TRANK1: variants seen among roughly 807,000 people sequenced by gnomAD.
TRANK1 encodes the protein TPR and ankyrin repeat-containing protein 1.
In TRANK1, 198 loss-of-function variants were observed where a neutral mutation model predicts 266.0. That is an observed-to-expected ratio of 0.74 (90% CI 0.66 to 0.84). The LOEUF is 0.84. Among genes scored for constraint, TRANK1 ranks in the 40% least tolerant of loss-of-function variants. The pLI, the probability that TRANK1 is intolerant of heterozygous loss-of-function variation, is 0.00. For missense variants in TRANK1, 3,326 were observed against 3,634.6 expected (o/e 0.92, Z 2.18); for synonymous variants, 1,396 against 1,384.1 (o/e 1.01, Z -0.19).
At chr3:36,938,354 G>C (rs1575339838) in intron 1 of TRANK1, among the ~76,000 whole-genome samples, 1 of 152,240 alleles carries the variant, frequency 6.6e-6, no homozygotes, top group South Asian at 2.1e-4. Flanking sequence ...GAGTAGCTGG[G>C]ATTACAGGCG....
chr3:36,930,854 G>A (rs1480420301), intron 1 of TRANK1, among the ~76,000 whole-genome samples: 7 of 152,146 alleles, frequency 4.6e-5, no homozygotes, highest in Admixed American at 2.6e-4. Flanking sequence ...TGACATTGTG[G>A]TGGTGGCCAC....
At chr3:36,903,339 C>T in intron 2 of TRANK1, 64 bp from the exon 3 acceptor site, 1 of 1,500,496 alleles carries the variant, frequency 6.7e-7, no homozygotes, top group Non-Finnish European at 8.9e-7. Context: ...TGTGAAGTCC[C>T]CCCATTCGGT....
chr3:36,856,109 C>A lies in TRANK1; in HGVS notation c.3613G>T (p.Val1205Leu). 6.2e-7 allele frequency: 1 copy of A among 1,613,764 alleles called. No homozygotes were observed. Among genetic ancestry groups the A allele is most frequent in the Non-Finnish European group, 8.5e-7 (1 of 1,179,870 alleles). Residue 1205 changes from valine (V) to leucine (L), a missense_variant, in exon 13 of 24, where the codon GTA (valine) becomes TTA (leucine). Transcript: ENST00000645898. ...VTKNHVLCQE[V>L]QRNFIELSKS... is the part of the protein sequence containing the mutation. ...GAAAGCTCAATGAAATTCCTTTGTACCTCCTGGCACAGCACATGGTTCTTG... is the reference window on the plus strand; with the variant it reads ...GAAAGCTCAATGAAATTCCTTTGTAACTCCTGGCACAGCACATGGTTCTTG...
At chr3:36,912,405 C>T in intron 1 of TRANK1, among the ~76,000 whole-genome samples, 1 of 152,200 alleles carries the variant, frequency 6.6e-6, no homozygotes. Context: ...AGTAAAATCA[C>T]TAGGGTATCT....
At chr3:36,882,045 T>A (rs1385665099) in intron 8 of TRANK1, among the ~76,000 whole-genome samples, 2 of 152,240 alleles carry the variant, frequency 1.3e-5, no homozygotes, top group African/African-American at 2.4e-5. Context: ...AATGCTGATA[T>A]GAATAATCAT....
intron 8 of TRANK1, among the ~76,000 whole-genome samples, chr3:36,887,182 G>A (rs190267167): frequency 1.3e-5 from 2 of 152,114 alleles, no homozygotes; most frequent in African/African-American, 2.4e-5. Flanking sequence ...CACAATGATT[G>A]ATGTGGCACA....
chr3:36,939,894 T>G (rs1309824558), intron 1 of TRANK1, among the ~76,000 whole-genome samples: 1 of 146,618 alleles, frequency 6.8e-6, no homozygotes, highest in Non-Finnish European at 1.5e-5. Flanking sequence ...TTTGTTCACT[T>G]TTTTTTTTTC....
In TRANK1 at chr3:36,908,318, C is replaced by G; in HGVS notation, c.155+5G>C. On this transcript the variant is annotated splice_donor_5th_base_variant and intron_variant, in intron 2 of 23. Coordinates refer to ENST00000645898, the MANE Select transcript of TRANK1 (RefSeq NM_001329998.2). ...AAAAGATGAGGTGAAAATGCAAACA[C>G]TTACCCCCACTGGTATAACTGCAGG... is the stretch of plus-strand genomic sequence containing the variant. 8.1e-7 allele frequency: 1 copy of G among 1,232,218 alleles called. No individual in the cohort carries two copies. Among genetic ancestry groups the G allele is most frequent in the Non-Finnish European group, 1.0e-6 (1 of 987,984 alleles). The allele number at this position is 1,232,218 out of a possible 1,614,324, so 76.3% of individuals were successfully genotyped here.
intron 9 of TRANK1, among the ~76,000 whole-genome samples, chr3:36,868,444 G>C (rs2079259414): frequency 3.3e-5 from 5 of 152,244 alleles, no homozygotes; most frequent in Admixed American, 3.3e-4. Context: ...ACCATAGTCA[G>C]AAGTAATAGA....
intron 15 of TRANK1, chr3:36,850,666 A>G (rs2078973454): frequency 1.2e-6 from 1 of 868,974 alleles, no homozygotes; most frequent in African/African-American, 1.8e-5. Flanking sequence ...ATAACCTCAG[A>G]GGGTTGGTGG....
chr3:36,833,537 C>T lies in TRANK1; in HGVS notation c.6046G>A (p.Ala2016Thr), dbSNP rs190338099. Reference sequence around the variant, plus strand: ...CCAGTTTGATAGCAGATATCAAGTGCTTCTCTCAGAATGTCCTTGGTGTGT... The same window carrying T: ...CCAGTTTGATAGCAGATATCAAGTGTTTCTCTCAGAATGTCCTTGGTGTGT... ...IEHTKDILRE[A>T]LDICYQTGQL... Residue 2016 changes from alanine to threonine, a missense_variant, in exon 22 of 24, where the codon GCA becomes ACA. Ala to Thr is a moderately conservative substitution (Grantham distance 58). Transcript: ENST00000645898. 1.2e-4 allele frequency: 188 copies of T among 1,613,926 alleles called. 2 individuals are homozygous for T. The East Asian group carries it at 1.5e-3, about 13-fold the overall frequency.
intron 15 of TRANK1, chr3:36,850,311 C>A: frequency 2.0e-6 from 2 of 985,400 alleles, no homozygotes; most frequent in Non-Finnish European, 2.4e-6. Flanking sequence ...ACATAAGGAA[C>A]AGCAATGATA....
In TRANK1 at chr3:36,864,406, T is replaced by C. The variant is rs146339508; in HGVS notation, c.1153A>G (p.Met385Val). 726 of 1,537,084 alleles carry C rather than the reference T, an allele frequency of 4.7e-4. 4 individuals are homozygous for C. In the African/African-American group the frequency reaches 9.0e-3, roughly 19 times the overall value. The change falls in exon 10 of 24, where the codon ATG becomes GTG. Residue 385 changes from methionine to valine, a missense_variant. Physicochemically the swap from Met to Val is conservative, Grantham distance 21. Transcript: ENST00000645898. ...TGCAATAACCGGTTTCCTGAGTTCA[T>C]ATACTTCACCAGCTGCTCCAAGACC... ...RKVLEQLVKY[M>V]NSGNRLLHKN...
intron 11 of TRANK1, among the ~76,000 whole-genome samples, chr3:36,859,514 C>T (rs1429430074): frequency 1.3e-5 from 2 of 152,058 alleles, no homozygotes; most frequent in African/African-American, 4.8e-5. Context: ...TGAGAACATG[C>T]CACATCCCTT....
intron 1 of TRANK1, among the ~76,000 whole-genome samples, chr3:36,939,527 G>A (rs1160073644): frequency 1.3e-5 from 2 of 152,182 alleles, no homozygotes; most frequent in Middle Eastern, 3.2e-3. Flanking sequence ...TCCAGGCCTG[G>A]TGTCAGGTGG....
chr3:36,852,041 C>T, intron 14 of TRANK1, 105 bp downstream of exon 14: 2 of 1,381,240 alleles, frequency 1.4e-6, no homozygotes, highest in Admixed American at 2.9e-5. Context: ...CACTGTGGGA[C>T]AGGGACTATT....
chr3:36,844,067 C>T lies in TRANK1; in HGVS notation c.5192-1357G>A, dbSNP rs185502751. Among the ~76,000 whole-genome samples, 655 of 152,252 alleles carry T rather than the reference C, an allele frequency of 4.3e-3. 5 individuals are homozygous for T. Among genetic ancestry groups the T allele is most frequent in the African/African-American group, 0.015 (605 of 41,546 alleles). ...GGAACAGATGCTTTAGAAGACTTTACTATGTACAACTTAAAATTTGTAATT... is the reference window on the plus strand; with the variant it reads ...GGAACAGATGCTTTAGAAGACTTTATTATGTACAACTTAAAATTTGTAATT... On this transcript the variant is annotated intron_variant, in intron 17 of 23. Transcript: ENST00000645898.
intron 8 of TRANK1, among the ~76,000 whole-genome samples, chr3:36,884,176 T>C (rs1050967119): frequency 6.6e-6 from 1 of 152,168 alleles, no homozygotes; most frequent in African/African-American, 2.4e-5. Flanking sequence ...AACATAGACA[T>C]ATGCAGAGAG....
chr3:36,846,415 C>T lies in TRANK1; in HGVS notation c.5035-11G>A. 2 of 1,606,974 alleles carry T rather than the reference C, an allele frequency of 1.2e-6. No homozygotes were observed. Among genetic ancestry groups the T allele is most frequent in the Non-Finnish European group, 1.7e-6 (2 of 1,175,856 alleles). On this transcript the variant is annotated splice_polypyrimidine_tract_variant and intron_variant, in intron 16 of 23. Coordinates refer to ENST00000645898, the MANE Select transcript of TRANK1 (RefSeq NM_001329998.2). Reference sequence around the variant, plus strand: ...CTCTCCGTTGAGGAGCTAAAGATAACATTGAGGACAAAGATGATGAGCCAT... The same window carrying T: ...CTCTCCGTTGAGGAGCTAAAGATAATATTGAGGACAAAGATGATGAGCCAT...
Sources: gnomAD v4.1 joint callset for allele counts (sites outside exome capture counted in the v4.1 genomes callset) on GRCh38, gnomAD v4.1.1 for gene constraint, MANE v1.5 for transcripts, NCBI Gene and HGNC (gene_info 2026-07-23, HGNC 2026-07-21) for gene names.